Variants in PCDHA11 observed in about 807,000 individuals in gnomAD.
PCDHA11 encodes the protein protocadherin alpha-11.
Under a neutral mutation model 70.3 loss-of-function variants are expected in PCDHA11, and 61 were observed. The observed-to-expected ratio is 0.87, with a 90% CI of 0.71 to 1.07. The LOEUF is 1.07. Ranked by LOEUF, PCDHA11 falls within the 50% of genes least tolerant of loss-of-function variation. The pLI, the probability that PCDHA11 is intolerant of heterozygous loss-of-function variation, is 0.00. For synonymous variants in PCDHA11, 633 were observed against 555.1 expected (o/e 1.14, Z -1.97); for missense variants, 1,324 against 1,237.5 (o/e 1.07, Z -1.05).
intron 1 of PCDHA11, among the ~76,000 whole-genome samples, chr5:140,958,881 A>G (rs565016962): frequency 2.0e-5 from 3 of 152,092 alleles, no homozygotes; most frequent in Non-Finnish European, 2.9e-5. Flanking sequence ...AGAATTGACC[A>G]GTAGCTATAT....
In PCDHA11 at chr5:140,869,793, C is replaced by A. The variant is rs782122541; in HGVS notation, c.690C>A (p.Val230=). The A allele has an allele frequency of 2.7e-5, 44 of 1,612,682 alleles. No individual in the cohort carries two copies. Among genetic ancestry groups the A allele is most frequent in the Non-Finnish European group, 3.7e-5 (44 of 1,179,432 alleles). The change falls in exon 1 of 4, where the codon GTC becomes GTA. Residue 230 remains valine (V), a synonymous_variant. Transcript: ENST00000398640. ...PELTGTVRLL[V]QVLDVNDNDP... ...TTACTGGCACCGTTCGGCTGTTAGT[C>A]CAAGTCTTGGATGTCAACGACAATG... is the stretch of plus-strand genomic sequence containing the variant.
chr5:140,945,321 A>G (rs558331825), intron 1 of PCDHA11, among the ~76,000 whole-genome samples: 1 of 152,258 alleles, frequency 6.6e-6, no homozygotes, highest in Non-Finnish European at 1.5e-5. Flanking sequence ...AAATGGAAAT[A>G]TATTTTATGT....
chr5:140,884,441 G>A, intron 1 of PCDHA11: 2 of 1,613,812 alleles, frequency 1.2e-6, no homozygotes, highest in Non-Finnish European at 1.7e-6. Flanking sequence ...GCGGTGCTCG[G>A]CACCGCCCAC....
At chr5:140,875,377 A>G in intron 1 of PCDHA11, 1 of 1,457,802 alleles carries the variant, frequency 6.9e-7, no homozygotes, top group Non-Finnish European at 9.0e-7. Context: ...TTTACTAAAT[A>G]TGTACTTACA....
At chr5:140,976,970 C>A (rs1294728864) in intron 1 of PCDHA11, among the ~76,000 whole-genome samples, 3 of 152,140 alleles carry the variant, frequency 2.0e-5, no homozygotes, top group African/African-American at 7.2e-5. Context: ...CTTTCCTTTT[C>A]CCTGCCTGAT....
intron 1 of PCDHA11, chr5:140,930,452 G>A (rs2086853363): frequency 6.6e-6 from 1 of 151,826 alleles, no homozygotes; most frequent in Non-Finnish European, 1.5e-5. Flanking sequence ...CAAACTCCTA[G>A]CCTCAAGTGA....
At chr5:140,875,934 A>T (rs782270710) in intron 1 of PCDHA11, 1 of 1,614,178 alleles carries the variant, frequency 6.2e-7, no homozygotes, top group Admixed American at 1.7e-5. Context: ...ATTTTCCTCT[A>T]GAGGGCGCTT....
At chr5:140,956,985 A>G (rs1554222760) in intron 1 of PCDHA11, among the ~76,000 whole-genome samples, 2 of 152,224 alleles carry the variant, frequency 1.3e-5, no homozygotes, top group African/African-American at 2.4e-5. Flanking sequence ...AGTAAAATAA[A>G]TTCAAGGAAG....
Position 140,871,097 on chromosome 5 carries a change from T to A in PCDHA11, c.1994T>A (p.Leu665Gln). The A allele has an allele frequency of 6.2e-7, 1 of 1,613,266 alleles. No homozygotes were observed. The highest frequency in any genetic ancestry group is 1.7e-5 in the Admixed American group (1 of 60,018). ...GCGCTGACGGCCACGGCCACCGTGC[T>A]GGTGTCGTTGGTGGAGAGCGGACAG... ...EPALTATATV[L>Q]VSLVESGQAP... The change falls in exon 1 of 4, where the codon CTG becomes CAG. Residue 665 changes from leucine to glutamine, a missense_variant. Transcript: ENST00000398640.
At chr5:140,876,660 G>C in intron 1 of PCDHA11, 1 of 1,614,216 alleles carries the variant, frequency 6.2e-7, no homozygotes, top group Non-Finnish European at 8.5e-7. Context: ...TTCCCTTCAA[G>C]CTGGTGTCCA....
chr5:140,953,809 G>A (rs1244835717), intron 1 of PCDHA11, among the ~76,000 whole-genome samples: 2 of 152,168 alleles, frequency 1.3e-5, no homozygotes, highest in East Asian at 1.9e-4. Context: ...GTTCTGAGGT[G>A]CATGTGCTAG....
intron 1 of PCDHA11, among the ~76,000 whole-genome samples, chr5:140,973,301 A>C (rs1469183006): frequency 1.3e-5 from 2 of 152,034 alleles, no homozygotes; most frequent in Admixed American, 6.6e-5. Context: ...CTATCTGATG[A>C]CTCTATCCTG....
intron 1 of PCDHA11, among the ~76,000 whole-genome samples, chr5:140,952,745 A>G (rs1554220592): frequency 6.6e-6 from 1 of 152,220 alleles, no homozygotes; most frequent in African/African-American, 2.4e-5. Context: ...TCACACTGCT[A>G]TAAAAACACC....
In PCDHA11 at chr5:140,870,510, A is replaced by G. The variant is rs185967358; in HGVS notation, c.1407A>G (p.Pro469=). Residue 469 remains proline (P), a synonymous_variant, in exon 1 of 4, where the codon CCA becomes CCG. Transcript: ENST00000398640. ...YTVFVKENNP[P]GCHIFTVSAR... ...TGTTCGTGAAGGAGAACAACCCACCAGGCTGCCACATCTTCACAGTGTCGG... is the reference window on the plus strand; with the variant it reads ...TGTTCGTGAAGGAGAACAACCCACCGGGCTGCCACATCTTCACAGTGTCGG... 4.8e-3 allele frequency: 7,668 copies of G among 1,614,220 alleles called. 19 individuals carry two copies. The highest frequency in any genetic ancestry group is 5.8e-3 in the Non-Finnish European group (6,886 of 1,180,042).
chr5:140,904,940 A>G (rs368833420), intron 1 of PCDHA11, among the ~76,000 whole-genome samples: 1 of 152,136 alleles, frequency 6.6e-6, no homozygotes, highest in African/African-American at 2.4e-5. Context: ...TCTGGATATT[A>G]GTCCTTTGTC....
chr5:140,954,599 C>T (rs1554221480), intron 1 of PCDHA11, among the ~76,000 whole-genome samples: 1 of 152,042 alleles, frequency 6.6e-6, no homozygotes, highest in East Asian at 1.9e-4. Flanking sequence ...ATGTTCTTTG[C>T]CCACTTTTTA....
intron 1 of PCDHA11, among the ~76,000 whole-genome samples, chr5:140,925,937 C>T (rs1244990026): frequency 1.4e-5 from 2 of 138,450 alleles, no homozygotes; most frequent in East Asian, 3.9e-4. Flanking sequence ...AGTAGAGCCT[C>T]TTGGAGAAGG....
At chr5:140,926,470 GT>G (rs1204371892) in intron 1 of PCDHA11, 7 of 162,858 alleles carry the variant, frequency 4.3e-5, no homozygotes, top group Non-Finnish European at 9.2e-5. Context: ...AGAAAACACC[GT>G]TTAAGGAGAG....
At chr5:140,915,023 G>A (rs1273717052) in intron 1 of PCDHA11, among the ~76,000 whole-genome samples, 3 of 147,742 alleles carry the variant, frequency 2.0e-5, no homozygotes, top group African/African-American at 7.5e-5. Context: ...TTGGCTCACT[G>A]CAACTTCTGC....
Sources: gnomAD v4.1 joint callset for allele counts (sites outside exome capture counted in the v4.1 genomes callset) on GRCh38, gnomAD v4.1.1 for gene constraint, MANE v1.5 for transcripts, NCBI Gene and HGNC (gene_info 2026-07-23, HGNC 2026-07-21) for gene names.